Variants in CEP85L observed in about 807,000 individuals in gnomAD.
The protein encoded by CEP85L is centrosomal protein 85L, also known as centrosomal protein of 85 kDa-like.
In CEP85L, 60 loss-of-function variants were observed where a neutral mutation model predicts 100.3. That is an observed-to-expected ratio of 0.60 (90% confidence interval 0.49 to 0.74). The LOEUF (loss-of-function observed/expected upper bound fraction) is 0.74, where lower values mean the gene tolerates loss of function less well. Among genes scored for constraint, CEP85L ranks in the 30% least tolerant of loss-of-function variants. The pLI is 0.00. For synonymous variants in CEP85L, 319 were observed against 322.7 expected, an observed-to-expected ratio of 0.99 and a Z score of 0.12; for missense variants, 973 against 936.2, an observed-to-expected ratio of 1.04 and a Z score of -0.51.
At chr6:118,476,325 C>A (rs145475199) in intron 10 of CEP85L, among the ~76,000 whole-genome samples, 236 of 151,418 alleles carry the variant, frequency 1.6e-3, no homozygotes, top group African/African-American at 5.4e-3. Context: ...AGGCATTTGG[C>A]TGGTACATTT....
chr6:118,613,757 CA>C (rs370753175), intron 2 of CEP85L, among the ~76,000 whole-genome samples: 9 of 102,644 alleles, frequency 8.8e-5, no homozygotes, highest in South Asian at 3.4e-4. Context: ...ATCTGTGTCT[CA>C]AAAAAAAAAA....
At chr6:118,552,222 C>T (rs1778589466) in intron 3 of CEP85L, among the ~76,000 whole-genome samples, 1 of 151,914 alleles carries the variant, frequency 6.6e-6, no homozygotes, top group South Asian at 2.1e-4. Flanking sequence ...AGGAGAAAAG[C>T]AAAATTCTAA....
intron 11 of CEP85L, 29 bp downstream of exon 11, chr6:118,470,508 C>T (rs75514481): frequency 7.2e-7 from 1 of 1,391,762 alleles, no homozygotes; most frequent in Non-Finnish European, 9.9e-7. Flanking sequence ...ATCATCCTTT[C>T]AAAGCAAAAT....
At chr6:118,586,207 GGT>G (rs1780850593) in intron 2 of CEP85L, among the ~76,000 whole-genome samples, 1 of 152,056 alleles carries the variant, frequency 6.6e-6, no homozygotes, top group Non-Finnish European at 1.5e-5. Flanking sequence ...ACCTTCCTTG[GGT>G]CACTCTTCCT....
chr6:118,477,004 A>G (rs1015727950), intron 10 of CEP85L, among the ~76,000 whole-genome samples: 2 of 152,240 alleles, frequency 1.3e-5, no homozygotes, highest in Non-Finnish European at 2.9e-5. Context: ...GTAATGCCCA[A>G]TGAAGAACTC....
chr6:118,501,900 A>G, intron 5 of CEP85L: 1 of 1,165,454 alleles, frequency 8.6e-7, no homozygotes, highest in Non-Finnish European at 1.2e-6. Flanking sequence ...AAAGACAAAG[A>G]TATGCTTTTA....
At chr6:118,687,131 A>G (rs899501164) in intron 1 of CEP85L, among the ~76,000 whole-genome samples, 1 of 152,052 alleles carries the variant, frequency 6.6e-6, no homozygotes, top group Non-Finnish European at 1.5e-5. Context: ...ATTTGACTCA[A>G]TCCTTCTCAT....
intron 3 of CEP85L, among the ~76,000 whole-genome samples, chr6:118,557,581 A>G (rs1417183551): frequency 6.6e-6 from 1 of 152,110 alleles, no homozygotes; most frequent in African/African-American, 2.4e-5. Context: ...GTTGAGTGTG[A>G]GTGTGTACAT....
At chr6:118,696,025 C>A (rs547197839) in intron 1 of CEP85L, among the ~76,000 whole-genome samples, 1 of 152,282 alleles carries the variant, frequency 6.6e-6, no homozygotes, top group African/African-American at 2.4e-5. Context: ...AATCCCAGCA[C>A]TTTGGGAGGC....
At chr6:118,575,076 G>A (rs933218175) in intron 2 of CEP85L, among the ~76,000 whole-genome samples, 5 of 152,174 alleles carry the variant, frequency 3.3e-5, no homozygotes, top group South Asian at 4.1e-4. Flanking sequence ...GAGTTGAGCC[G>A]TAGAGAAAGG....
upstream of CEP85L, among the ~76,000 whole-genome samples, chr6:118,655,456 G>A (rs1775756828): frequency 6.6e-6 from 1 of 152,168 alleles, no homozygotes; most frequent in Non-Finnish European, 1.5e-5. Flanking sequence ...TAACCACCTG[G>A]TCATCCTGAG....
rs1486405389 is a variant in CEP85L, at chr6:118,463,123, T to C, written c.*2282A>G. On this transcript the variant is annotated 3_prime_UTR_variant, in exon 13 of 13. Coordinates refer to ENST00000368491, the MANE Select transcript of CEP85L (RefSeq NM_001042475.3). ...TAACTTTGGAATTTTATTTTTAAGA[T>C]ACGTGAATTAAATTACTTTCTCTAA... 2.6e-5 allele frequency: 4 copies of C among 151,946 alleles called. No homozygotes were observed. Among genetic ancestry groups the C allele is most frequent in the Non-Finnish European group, 4.4e-5 (3 of 67,888 alleles). 9.4% of individuals were successfully genotyped at this position (151,946 alleles called of 1,614,324 possible). A position where few individuals can be genotyped will look rare whatever the true frequency, so the allele number is the denominator to read the frequency against.
intron 8 of CEP85L, among the ~76,000 whole-genome samples, chr6:118,481,072 C>T (rs188008901): frequency 2.5e-4 from 38 of 151,568 alleles, no homozygotes; most frequent in East Asian, 1.4e-3. Context: ...TTGAGACCCA[C>T]GAGGCAAGAG....
intron 2 of CEP85L, among the ~76,000 whole-genome samples, chr6:118,596,506 G>T (rs576052987): frequency 6.6e-6 from 1 of 152,192 alleles, no homozygotes; most frequent in South Asian, 2.1e-4. Context: ...TAAAAATCAT[G>T]AAAACTTCAG....
intron 2 of CEP85L, among the ~76,000 whole-genome samples, chr6:118,604,158 T>A (rs1260576569): frequency 6.6e-6 from 1 of 152,226 alleles, no homozygotes. Context: ...AATGTTCTAT[T>A]AATGTTAAAC....
At chr6:118,646,682 T>C (rs1775220745) in intron 1 of CEP85L, among the ~76,000 whole-genome samples, 1 of 152,140 alleles carries the variant, frequency 6.6e-6, no homozygotes, top group Admixed American at 6.5e-5. Context: ...AAAATGATAT[T>C]GCTTAAAAAG....
intron 6 of CEP85L, among the ~76,000 whole-genome samples, chr6:118,490,106 A>C (rs1774457727): frequency 6.6e-6 from 1 of 152,198 alleles, no homozygotes. Flanking sequence ...GAAACAAGCC[A>C]GTCACAAAAA....
chr6:118,513,553 G>A (rs1776091394), intron 4 of CEP85L, among the ~76,000 whole-genome samples: 1 of 151,942 alleles, frequency 6.6e-6, no homozygotes. Context: ...AGTACTTTAA[G>A]TACTAAAATT....
rs374939091 is a variant in CEP85L at position 118,466,050 on chromosome 6, TGAGA to T, written c.2255-486_2255-483del. On this transcript the variant is annotated intron_variant, in intron 12 of 12. Coordinates refer to ENST00000368491, the MANE Select transcript of CEP85L (RefSeq NM_001042475.3). ...ACAGAGGGAGAGCGGGGAGGGAAAA[TGAGA>T]GAGACAGAGAGGGAGAGGAAGAGGG... Among the ~76,000 whole-genome samples, 254 of 151,680 alleles carry T rather than the reference TGAGA, an allele frequency of 1.7e-3. 1 individual carries two copies. Among genetic ancestry groups the T allele is most frequent in the African/African-American group, 5.8e-3 (241 of 41,328 alleles).
Sources: gnomAD v4.1 joint callset for allele counts (sites outside exome capture counted in the v4.1 genomes callset) on GRCh38, gnomAD v4.1.1 for gene constraint, MANE v1.5 for transcripts, NCBI Gene and HGNC (gene_info 2026-07-23, HGNC 2026-07-21) for gene names.